FOXP1: variants seen among roughly 807,000 people sequenced by gnomAD.
FOXP1 encodes the protein forkhead box protein P1.
Under a neutral mutation model 98.2 loss-of-function variants are expected in FOXP1, and 15 were observed. That is an observed-to-expected ratio of 0.15 (90% CI 0.10 to 0.24). The LOEUF (loss-of-function observed/expected upper bound fraction) is 0.24, where lower values mean the gene tolerates loss of function less well. Among genes scored for constraint, FOXP1 ranks in the 10% least tolerant of loss-of-function variants. FOXP1 has a pLI of 1.00. For missense variants in FOXP1, 633 were observed against 848.5 expected, an observed-to-expected ratio of 0.75 and a Z score of 3.15; for synonymous variants, 371 against 314.5, an observed-to-expected ratio of 1.18 and a Z score of -1.90.
rs541750771 is a variant in FOXP1 at position 70,997,832 on chromosome 3, C to T, written c.1062+3140G>A. ...CAAGATTCCTGCTATCTGATAGGTTCGAAATATGCTTGCTAAATAAGTGGA... is the reference window on the plus strand; with the variant it reads ...CAAGATTCCTGCTATCTGATAGGTTTGAAATATGCTTGCTAAATAAGTGGA... On this transcript the variant is annotated intron_variant, in intron 13 of 20. Coordinates refer to ENST00000649528, the MANE Select transcript of FOXP1 (RefSeq NM_001349338.3). 2.1e-4 allele frequency among the ~76,000 whole-genome samples: 32 copies of T among 152,166 alleles called. No homozygotes were observed. In the South Asian group the frequency reaches 3.7e-3, roughly 18 times the overall value.
chr3:71,207,706 G>A (rs2064153198), intron 5 of FOXP1, among the ~76,000 whole-genome samples: 5 of 145,120 alleles, frequency 3.4e-5, no homozygotes. Context: ...TGAAACACAA[G>A]GCAAATTCAG....
At chr3:71,505,837 C>G (rs549732255) in intron 2 of FOXP1, among the ~76,000 whole-genome samples, 2 of 152,160 alleles carry the variant, frequency 1.3e-5, no homozygotes, top group Non-Finnish European at 2.9e-5. Flanking sequence ...TTCCCCTCCA[C>G]GAATGTCACC....
At chr3:71,227,737 A>T (rs1252162599) in intron 5 of FOXP1, among the ~76,000 whole-genome samples, 1 of 152,012 alleles carries the variant, frequency 6.6e-6, no homozygotes, top group African/African-American at 2.4e-5. Flanking sequence ...GTTTTTAAAA[A>T]AAAAAAAAAA....
chr3:71,326,001 C>T (rs147278601), intron 4 of FOXP1, among the ~76,000 whole-genome samples: 247 of 152,120 alleles, frequency 1.6e-3, no homozygotes, highest in African/African-American at 5.7e-3. Context: ...ATCCATATAG[C>T]CCTCAGTGTA....
At chr3:71,100,284 A>T (rs2056839129) in intron 7 of FOXP1, among the ~76,000 whole-genome samples, 1 of 152,222 alleles carries the variant, frequency 6.6e-6, no homozygotes, top group Non-Finnish European at 1.5e-5. Context: ...TCGGTGTGTA[A>T]TTCTATGTGG....
chr3:71,204,669 G>A (rs1249026119), intron 5 of FOXP1, among the ~76,000 whole-genome samples: 1 of 152,170 alleles, frequency 6.6e-6, no homozygotes, highest in Non-Finnish European at 1.5e-5. Flanking sequence ...GAGACTTAGT[G>A]GTTAAGGAAG....
intron 6 of FOXP1, among the ~76,000 whole-genome samples, chr3:71,143,868 T>A (rs1489767231): frequency 6.6e-6 from 1 of 152,230 alleles, no homozygotes; most frequent in East Asian, 1.9e-4. Flanking sequence ...AAATCTGTTG[T>A]CCCTCCAAGG....
At chr3:71,414,882 T>C (rs969655534) in intron 3 of FOXP1, among the ~76,000 whole-genome samples, 1 of 152,264 alleles carries the variant, frequency 6.6e-6, no homozygotes, top group Non-Finnish European at 1.5e-5. Flanking sequence ...CTTCAGGGTT[T>C]AGTATTCAAA....
chr3:71,531,890 G>A (rs2043882194), intron 2 of FOXP1, among the ~76,000 whole-genome samples: 2 of 152,138 alleles, frequency 1.3e-5, no homozygotes, highest in East Asian at 1.9e-4. Context: ...GAAATTTATA[G>A]CCCAACTATA....
chr3:71,539,236 C>T (rs1398761024), intron 2 of FOXP1, among the ~76,000 whole-genome samples: 2 of 149,576 alleles, frequency 1.3e-5, no homozygotes, highest in South Asian at 2.1e-4. Context: ...CTCAGCCTCC[C>T]TAGTAGCTGG....
intron 11 of FOXP1, among the ~76,000 whole-genome samples, chr3:71,023,461 TAA>T (rs1217550120): frequency 6.6e-6 from 1 of 152,240 alleles, no homozygotes; most frequent in African/African-American, 2.4e-5. Flanking sequence ...TATCTACTAA[TAA>T]AGAGTGTCTT....
At chr3:71,483,363 G>A (rs973728335) in intron 3 of FOXP1, among the ~76,000 whole-genome samples, 13 of 152,076 alleles carry the variant, frequency 8.5e-5, no homozygotes, top group Admixed American at 3.3e-4. Context: ...ATCAGAAACC[G>A]AAGAGCAAGT....
rs531535424 is a variant in FOXP1 at position 71,402,015 on chromosome 3, CA to C, written c.-167-42772del. 5.9e-5 allele frequency among the ~76,000 whole-genome samples: 9 copies of C among 152,302 alleles called. No individual in the cohort carries two copies. In the East Asian group the frequency reaches 1.5e-3, roughly 26 times the overall value. On this transcript the variant is annotated intron_variant, in intron 3 of 20. Coordinates refer to ENST00000649528, the MANE Select transcript of FOXP1 (RefSeq NM_001349338.3). ...ACGCCATGAGAGACGGAATGGCACACAAACATCTTCCTCACTGGAGTTGTGG... is the reference window on the plus strand; with the variant it reads ...ACGCCATGAGAGACGGAATGGCACACAACATCTTCCTCACTGGAGTTGTGG...
intron 12 of FOXP1, among the ~76,000 whole-genome samples, chr3:71,011,362 G>A (rs2043594101): frequency 6.6e-6 from 1 of 152,056 alleles, no homozygotes; most frequent in Non-Finnish European, 1.5e-5. Context: ...ACTCAATCTG[G>A]GCCAATGACA....
At chr3:71,431,730 C>T (rs2084739219) in intron 3 of FOXP1, among the ~76,000 whole-genome samples, 1 of 152,242 alleles carries the variant, frequency 6.6e-6, no homozygotes, top group African/African-American at 2.4e-5. Context: ...CAACAAAACA[C>T]ACCAAAGACG....
intron 7 of FOXP1, among the ~76,000 whole-genome samples, chr3:71,066,296 A>G (rs537538751): frequency 1.3e-5 from 2 of 152,306 alleles, no homozygotes; most frequent in South Asian, 4.1e-4. Flanking sequence ...CTGGCTGTAA[A>G]AGAGACAAGC....
chr3:71,051,772 C>T (rs1268016407), intron 9 of FOXP1, among the ~76,000 whole-genome samples: 3 of 152,176 alleles, frequency 2.0e-5, no homozygotes, highest in Non-Finnish European at 4.4e-5. Context: ...AACTGAGTCT[C>T]ACCCACGCAG....
At chr3:70,965,813 G>A in intron 20 of FOXP1, 77 bp downstream of exon 20, 2 of 1,415,270 alleles carry the variant, frequency 1.4e-6, no homozygotes, top group African/African-American at 1.4e-5. Context: ...AAAGCCCAGA[G>A]AAAGGGCTGT....
At chr3:71,458,970 A>C (rs1328871619) in intron 3 of FOXP1, among the ~76,000 whole-genome samples, 1 of 152,264 alleles carries the variant, frequency 6.6e-6, no homozygotes, top group Non-Finnish European at 1.5e-5. Flanking sequence ...TGCTATTATC[A>C]GAAAGGATAT....
Sources: gnomAD v4.1 joint callset for allele counts (sites outside exome capture counted in the v4.1 genomes callset) on GRCh38, gnomAD v4.1.1 for gene constraint, MANE v1.5 for transcripts, NCBI Gene and HGNC (gene_info 2026-07-23, HGNC 2026-07-21) for gene names.